LRMDA: variants seen among roughly 807,000 people sequenced by gnomAD.
The protein encoded by LRMDA is leucine-rich melanocyte differentiation-associated protein.
Under a neutral mutation model 29.8 loss-of-function variants are expected in LRMDA, and 18 were observed. The observed-to-expected ratio is 0.60, with a 90% CI of 0.42 to 0.90. The LOEUF (loss-of-function observed/expected upper bound fraction) is 0.90. Among genes scored for constraint, LRMDA ranks in the 40% least tolerant of loss-of-function variants. The pLI is 0.00. For missense variants in LRMDA, 273 were observed against 273.9 expected (o/e 1.00, Z 0.02); for synonymous variants, 125 against 109.4 (o/e 1.14, Z -0.89).
chr10:76,372,295 G>T (rs1841463842), intron 6 of LRMDA, among the ~76,000 whole-genome samples: 1 of 152,112 alleles, frequency 6.6e-6, no homozygotes, highest in South Asian at 2.1e-4. Context: ...GGGAAGCATT[G>T]CAAGTACACT....
intron 6 of LRMDA, among the ~76,000 whole-genome samples, chr10:76,333,764 G>GTGGC (rs1375418223): frequency 6.6e-6 from 1 of 152,242 alleles, no homozygotes; most frequent in East Asian, 1.9e-4. Flanking sequence ...AAGGCCTGGA[G>GTGGC]TGGCTGGCTG....
At chr10:75,811,957 G>C (rs534742678) in intron 2 of LRMDA, among the ~76,000 whole-genome samples, 4 of 152,080 alleles carry the variant, frequency 2.6e-5, no homozygotes, top group African/African-American at 7.2e-5. Flanking sequence ...TTTCTTTTAG[G>C]CTGCTTTGTG....
chr10:76,076,842 T>C (rs999288519), intron 5 of LRMDA, among the ~76,000 whole-genome samples: 1 of 152,130 alleles, frequency 6.6e-6, no homozygotes, highest in Non-Finnish European at 1.5e-5. Context: ...CAAACAAATA[T>C]GTTGCATTTA....
intron 2 of LRMDA, among the ~76,000 whole-genome samples, chr10:75,519,170 G>A (rs1845328078): frequency 6.6e-6 from 1 of 152,188 alleles, no homozygotes; most frequent in African/African-American, 2.4e-5. Flanking sequence ...TGAGAAGAGT[G>A]TATATTCTGT....
At chr10:76,462,837 A>G (rs1288091403) in intron 6 of LRMDA, among the ~76,000 whole-genome samples, 5 of 152,166 alleles carry the variant, frequency 3.3e-5, no homozygotes, top group African/African-American at 2.4e-5. Context: ...AGTGTTTCCT[A>G]TAGTGCATAA....
In LRMDA at chr10:75,700,979, A is replaced by G. The variant is rs114309957; in HGVS notation, c.131+262485A>G. 5.6e-3 allele frequency among the ~76,000 whole-genome samples: 853 copies of G among 152,356 alleles called. 7 individuals are homozygous for G. The highest frequency in any genetic ancestry group is 0.02 in the African/African-American group (813 of 41,578). On this transcript the variant is annotated intron_variant, in intron 2 of 6. Transcript: ENST00000611255. ...TTTCACAATTTACTGAAGAGTACCA[A>G]GTGAGACTTAATGGCAAACTTGTTG...
chr10:76,022,568 C>T (rs1214320999), intron 2 of LRMDA, among the ~76,000 whole-genome samples: 4 of 152,130 alleles, frequency 2.6e-5, no homozygotes, highest in Non-Finnish European at 5.9e-5. Context: ...CAATTAGCCT[C>T]AGGGCCCAGA....
intron 2 of LRMDA, among the ~76,000 whole-genome samples, chr10:75,615,085 C>G (rs1300965786): frequency 6.6e-6 from 1 of 152,194 alleles, no homozygotes; most frequent in African/African-American, 2.4e-5. Context: ...GGCCATTGTC[C>G]TTTCTCTCAT....
At chr10:75,691,123 TA>T (rs1842145652) in intron 2 of LRMDA, among the ~76,000 whole-genome samples, 2 of 99,986 alleles carry the variant, frequency 2.0e-5, no homozygotes, top group Admixed American at 8.7e-5. Context: ...TATATCTATA[TA>T]CATAGATATA....
chr10:76,556,398 C>G (rs557412491), intron 6 of LRMDA: 1 of 152,254 alleles, frequency 6.6e-6, no homozygotes, highest in South Asian at 2.1e-4. Flanking sequence ...GTCGCCCAGG[C>G]TGGAGTGCAC....
At chr10:76,277,220 T>C (rs539418027) in intron 5 of LRMDA, among the ~76,000 whole-genome samples, 1 of 152,144 alleles carries the variant, frequency 6.6e-6, no homozygotes, top group African/African-American at 2.4e-5. Context: ...GACGACTCTG[T>C]GATTGGGGCC....
At chr10:76,283,920 C>G (rs1840238201) in intron 5 of LRMDA, among the ~76,000 whole-genome samples, 1 of 152,164 alleles carries the variant, frequency 6.6e-6, no homozygotes, top group Non-Finnish European at 1.5e-5. Flanking sequence ...CCAGCCTCAG[C>G]CTCCCAAACA....
At chr10:75,481,370 T>C (rs766351910) in intron 2 of LRMDA, among the ~76,000 whole-genome samples, 1 of 152,112 alleles carries the variant, frequency 6.6e-6, no homozygotes, top group Non-Finnish European at 1.5e-5. Context: ...GAAGTGTTCA[T>C]TAAGGTCACA....
rs1848230788 is a variant in LRMDA, at chr10:76,035,756, G to C, written c.132-252G>C. 2.0e-5 allele frequency among the ~76,000 whole-genome samples: 3 copies of C among 152,098 alleles called. No homozygotes were observed. In the South Asian group the frequency reaches 6.2e-4, roughly 32 times the overall value. On this transcript the variant is annotated intron_variant, in intron 2 of 6. Transcript: ENST00000611255. ...CTGAAGCCCTTTGTTTTGGATCCTG[G>C]CTACTCACTAAGTGACCCTCATCCT...
At chr10:76,420,139 A>C (rs73292522) in intron 6 of LRMDA, among the ~76,000 whole-genome samples, 22,666 of 151,744 alleles carry the variant, frequency 0.15, 2,393 homozygotes, top group African/African-American at 0.28. Context: ...TATTGGTGTT[A>C]TTTCTTTCTT....
At chr10:76,087,967 A>G (rs1849163724) in intron 5 of LRMDA, among the ~76,000 whole-genome samples, 1 of 152,032 alleles carries the variant, frequency 6.6e-6, no homozygotes, top group African/African-American at 2.4e-5. Flanking sequence ...AAAACAAACA[A>G]ACAAAAAATT....
intron 5 of LRMDA, among the ~76,000 whole-genome samples, chr10:76,190,231 T>TA (rs971013125): frequency 7.9e-5 from 12 of 151,076 alleles, no homozygotes; most frequent in Non-Finnish European, 1.6e-4. Context: ...AATTAGGATT[T>TA]AAAAAAAAAA....
At chr10:76,402,676 A>G (rs1274218153) in intron 6 of LRMDA, among the ~76,000 whole-genome samples, 2 of 152,032 alleles carry the variant, frequency 1.3e-5, no homozygotes, top group Admixed American at 1.3e-4. Context: ...TAACACCAAC[A>G]CCATACTGGC....
intron 2 of LRMDA, among the ~76,000 whole-genome samples, chr10:75,772,862 G>A (rs1843260384): frequency 9.8e-6 from 1 of 101,634 alleles, no homozygotes; most frequent in Non-Finnish European, 2.2e-5. Flanking sequence ...TTTTGGGGGG[G>A]GTGGGATGGG....
Sources: gnomAD v4.1 joint callset for allele counts (sites outside exome capture counted in the v4.1 genomes callset) on GRCh38, gnomAD v4.1.1 for gene constraint, MANE v1.5 for transcripts, NCBI Gene and HGNC (gene_info 2026-07-23, HGNC 2026-07-21) for gene names.